CACNA1B: variants seen among roughly 807,000 people sequenced by gnomAD.
CACNA1B encodes the protein calcium voltage-gated channel subunit alpha1 B.
In CACNA1B, 70 loss-of-function variants were observed where a neutral mutation model predicts 247.2. The observed-to-expected ratio is 0.28, with a 90% CI of 0.23 to 0.35. The LOEUF is 0.35. Ranked by LOEUF, CACNA1B falls within the 10% of genes least tolerant of loss-of-function variation. The pLI is 1.00. For missense variants in CACNA1B, 2,367 were observed against 3,197.4 expected (o/e 0.74, Z 6.26); for synonymous variants, 1,231 against 1,294.4 (o/e 0.95, Z 1.05).
chr9:138,076,921 C>T (rs1028812609), intron 35 of CACNA1B, among the ~76,000 whole-genome samples: 1 of 152,212 alleles, frequency 6.6e-6, no homozygotes, highest in African/African-American at 2.4e-5. Flanking sequence ...AAGCAAGCAC[C>T]CTTAGGCTGA....
At chr9:138,103,032 C>T (rs1212317575) in intron 38 of CACNA1B, among the ~76,000 whole-genome samples, 3 of 152,102 alleles carry the variant, frequency 2.0e-5, no homozygotes, top group Non-Finnish European at 4.4e-5. Context: ...GGCCTCTTGT[C>T]CCCACAACCT....
intron 6 of CACNA1B, among the ~76,000 whole-genome samples, chr9:137,931,208 A>T (rs561236523): frequency 6.6e-6 from 1 of 152,338 alleles, no homozygotes; most frequent in South Asian, 2.1e-4. Context: ...TTGAAACAAA[A>T]GTACATTCCA....
intron 37 of CACNA1B, among the ~76,000 whole-genome samples, chr9:138,098,362 A>G (rs1961127497): frequency 6.6e-6 from 1 of 152,214 alleles, no homozygotes; most frequent in African/African-American, 2.4e-5. Flanking sequence ...CAGCCGAGGC[A>G]GGATTTAGGT....
intron 6 of CACNA1B, among the ~76,000 whole-genome samples, chr9:137,938,693 A>C (rs1957697294): frequency 6.6e-6 from 1 of 152,222 alleles, no homozygotes; most frequent in African/African-American, 2.4e-5. Flanking sequence ...GGCCTTGTAC[A>C]ACAGGAAAAT....
chr9:137,990,123 A>T lies in CACNA1B; in HGVS notation c.1974+3269A>T, dbSNP rs1190490625. On this transcript the variant is annotated intron_variant, in intron 15 of 46. Coordinates refer to ENST00000371372, the MANE Select transcript of CACNA1B (RefSeq NM_000718.4). The surrounding 1 kb of genome is among the most constrained non-coding windows in gnomAD (Gnocchi z 4.5). ...CAGTGCTGTTGGGGGTGGGCACGGTAGGAGTGAGACCAGCCTTTTGGACTG... is the reference window on the plus strand; with the variant it reads ...CAGTGCTGTTGGGGGTGGGCACGGTTGGAGTGAGACCAGCCTTTTGGACTG... Among the ~76,000 whole-genome samples, 1 of 152,176 alleles carries T rather than the reference A, an allele frequency of 6.6e-6. No individual in the cohort carries two copies. Among genetic ancestry groups the T allele is most frequent in the East Asian group, 1.9e-4 (1 of 5,186 alleles).
Position 138,059,549 on chromosome 9 carries a change from T to C in CACNA1B, c.4585-105T>C. 1 of 756,510 alleles carries C rather than the reference T, an allele frequency of 1.3e-6. No individual in the cohort carries two copies. Among genetic ancestry groups the C allele is most frequent in the Non-Finnish European group, 2.4e-6 (1 of 420,930 alleles). The allele number at this position is 756,510 out of a possible 1,614,324, so 46.9% of individuals were successfully genotyped here. On this transcript the variant is annotated intron_variant, in intron 30 of 46. Coordinates refer to ENST00000371372, the MANE Select transcript of CACNA1B (RefSeq NM_000718.4). This position sits in a 1 kb window ranked among gnomAD's most constrained non-coding sequence, Gnocchi z 4.2. ...GCCTGTCTGCCCTGTGCTCAGGGTC[T>C]ATCACCCTCACCGCTTTCTTAATCA...
rs1054082111 is a variant in CACNA1B, at chr9:137,919,150, G to GC, written c.966+1723dup. 6.6e-6 allele frequency among the ~76,000 whole-genome samples: 1 copy of GC among 152,240 alleles called. No homozygotes were observed. The highest frequency in any genetic ancestry group is 1.5e-5 in the Non-Finnish European group (1 of 68,028). On this transcript the variant is annotated intron_variant, in intron 6 of 46. Coordinates refer to ENST00000371372, the MANE Select transcript of CACNA1B (RefSeq NM_000718.4). The surrounding 1 kb of genome is among the most constrained non-coding windows in gnomAD (Gnocchi z 4.6). Reference sequence around the variant, plus strand: ...CTCCCGCAGGAGGGGATGGGCAGGAGCCCCATCCTGGGGCAGGCAGCACTG... The same window carrying GC: ...CTCCCGCAGGAGGGGATGGGCAGGAGCCCCCATCCTGGGGCAGGCAGCACTG...
intron 3 of CACNA1B, among the ~76,000 whole-genome samples, chr9:137,912,498 A>T (rs940714358): frequency 1.3e-5 from 2 of 152,350 alleles, no homozygotes; most frequent in African/African-American, 4.8e-5. Context: ...GGAAGTGGTG[A>T]GACCGAGGAT....
At position 137,903,528 on chromosome 9, in the gene CACNA1B, G is replaced by A. The variant is rs150607672; in HGVS notation, c.531-9652G>A. 6.5e-3 allele frequency among the ~76,000 whole-genome samples: 988 copies of A among 152,252 alleles called. 12 individuals carry two copies. The highest frequency in any genetic ancestry group is 0.022 in the African/African-American group (911 of 41,536). On this transcript the variant is annotated intron_variant, in intron 3 of 46. Transcript: ENST00000371372. ...TTTAATGTCTCATGAAGCCAGTCCCGTTCTCCTTGCTTTTCTTCTTTGAAT... is the reference window on the plus strand; with the variant it reads ...TTTAATGTCTCATGAAGCCAGTCCCATTCTCCTTGCTTTTCTTCTTTGAAT...
At chr9:138,119,398 G>A (rs1961995664) in intron 44 of CACNA1B, among the ~76,000 whole-genome samples, 1 of 152,054 alleles carries the variant, frequency 6.6e-6, no homozygotes. Flanking sequence ...GGCCTCCGAG[G>A]CCTCGGAGGA....
At chr9:137,960,591 C>T (rs1216476505) in intron 10 of CACNA1B, among the ~76,000 whole-genome samples, 2 of 151,832 alleles carry the variant, frequency 1.3e-5, no homozygotes, top group Non-Finnish European at 2.9e-5. Flanking sequence ...TGGGAAAGGA[C>T]ATTCCAGGCA....
At chr9:138,078,063 G>T in intron 35 of CACNA1B, 51 bp from the exon 36 acceptor site, 2 of 1,580,596 alleles carry the variant, frequency 1.3e-6, no homozygotes, top group Non-Finnish European at 1.7e-6. Flanking sequence ...CACAGGGCTC[G>T]GGCTCCCTCA....
chr9:138,009,872 G>T, intron 16 of CACNA1B, 138 bp from the exon 17 acceptor site: 1 of 665,340 alleles, frequency 1.5e-6, no homozygotes, highest in Non-Finnish European at 2.7e-6. Context: ...GTGTGTCTGG[G>T]GATGGGGCCT....
Position 137,972,915 on chromosome 9 carries a change from G to A in CACNA1B, c.1543+1323G>A, listed in dbSNP as rs145111579. On this transcript the variant is annotated intron_variant, in intron 11 of 46. Transcript: ENST00000371372. Reference sequence around the variant, plus strand: ...CAGCTCCTGACTGACACGTCCTGGGGCCCACAGGGTGGTACCTCGGGACTT... The same window carrying A: ...CAGCTCCTGACTGACACGTCCTGGGACCCACAGGGTGGTACCTCGGGACTT... 4.7e-4 allele frequency among the ~76,000 whole-genome samples: 72 copies of A among 152,314 alleles called. 1 individual carries two copies. In the East Asian group the frequency reaches 0.013, roughly 27 times the overall value.
At chr9:138,076,924 T>C (rs527972767) in intron 35 of CACNA1B, among the ~76,000 whole-genome samples, 2 of 152,342 alleles carry the variant, frequency 1.3e-5, no homozygotes, top group South Asian at 4.1e-4. Context: ...CAAGCACCCT[T>C]AGGCTGACAC....
rs192998531 is a variant in CACNA1B at position 137,939,964 on chromosome 9, G to T, written c.967-12310G>T. On this transcript the variant is annotated intron_variant, in intron 6 of 46. Transcript: ENST00000371372. Reference sequence around the variant, plus strand: ...GTTCATAGCCCTAAATACCTACATCGAAAAGTCTGAACGAGCACAAACAGA... The same window carrying T: ...GTTCATAGCCCTAAATACCTACATCTAAAAGTCTGAACGAGCACAAACAGA... 8.4e-4 allele frequency among the ~76,000 whole-genome samples: 127 copies of T among 151,908 alleles called. 1 individual carries two copies. Among genetic ancestry groups the T allele is most frequent in the African/African-American group, 2.7e-3 (110 of 41,460 alleles).
chr9:138,008,489 G>T (rs553518783), intron 16 of CACNA1B, among the ~76,000 whole-genome samples: 1 of 152,240 alleles, frequency 6.6e-6, no homozygotes, highest in Non-Finnish European at 1.5e-5. Flanking sequence ...TGCCCTGTGG[G>T]CTCTGCTGGA....
chr9:137,920,829 G>A (rs1218722569), intron 6 of CACNA1B, among the ~76,000 whole-genome samples: 1 of 152,244 alleles, frequency 6.6e-6, no homozygotes, highest in Non-Finnish European at 1.5e-5. Context: ...AAGTCTCAAC[G>A]ATGATGTGAC....
At chr9:138,049,164 C>A in intron 23 of CACNA1B, 45 bp from the exon 24 acceptor site, 2 of 1,324,132 alleles carry the variant, frequency 1.5e-6, no homozygotes, top group Non-Finnish European at 2.2e-6. Context: ...CTCTGCCTGT[C>A]TTTTCTGGAC....
Sources: gnomAD v4.1 joint callset for allele counts (sites outside exome capture counted in the v4.1 genomes callset) on GRCh38, gnomAD v4.1.1 for gene constraint, Gnocchi (gnomAD v3.1) non-coding constraint, MANE v1.5 for transcripts, NCBI Gene and HGNC (gene_info 2026-07-23, HGNC 2026-07-21) for gene names.